NAA15: variants seen among roughly 807,000 people sequenced by gnomAD.
The protein encoded by NAA15 is N-terminal acetyltransferase.
Under a neutral mutation model 114.0 loss-of-function variants are expected in NAA15, and 34 were observed. The observed-to-expected ratio is 0.30, with a 90% CI of 0.23 to 0.40. NAA15 has a LOEUF of 0.40. Among genes scored for constraint, NAA15 ranks in the 10% least tolerant of loss-of-function variants. The pLI is 1.00. For synonymous variants in NAA15, 340 were observed against 338.0 expected, an observed-to-expected ratio of 1.01 and a Z score of -0.06; for missense variants, 658 against 1,004.5, an observed-to-expected ratio of 0.66 and a Z score of 4.66.
chr4:139,321,740 C>T (rs868560818), intron 1 of NAA15, among the ~76,000 whole-genome samples: 2 of 151,460 alleles, frequency 1.3e-5, no homozygotes, highest in Non-Finnish European at 2.9e-5. Context: ...GCCTCAGCCT[C>T]CCAAAGTGCT....
intron 1 of NAA15, among the ~76,000 whole-genome samples, chr4:139,316,648 A>T (rs1392821520): frequency 6.6e-6 from 1 of 151,876 alleles, no homozygotes; most frequent in Non-Finnish European, 1.5e-5. Flanking sequence ...CCTTATAAGT[A>T]ATTTGGTATG....
intron 7 of NAA15, among the ~76,000 whole-genome samples, chr4:139,350,448 C>T (rs141455736): frequency 4.7e-4 from 72 of 152,294 alleles, no homozygotes; most frequent in African/African-American, 1.6e-3. Context: ...AAATTTCTGT[C>T]ACTCAAACTT....
Position 139,360,057 on chromosome 4 carries a change from T to A in NAA15, c.1410+162T>A, listed in dbSNP as rs1002252489. On this transcript the variant is annotated intron_variant, in intron 12 of 19. Transcript: ENST00000296543. ...TATCAGAAGATACTGGAGTCAACATTGATATAAAGGATTTTCCATTTAGAG... is the reference window on the plus strand; with the variant it reads ...TATCAGAAGATACTGGAGTCAACATAGATATAAAGGATTTTCCATTTAGAG... 9.9e-5 allele frequency among the ~76,000 whole-genome samples: 15 copies of A among 152,196 alleles called. No individual in the cohort carries two copies. In the South Asian group the frequency reaches 1.0e-3, roughly 11 times the overall value.
chr4:139,340,889 G>T (rs1257615972), intron 3 of NAA15, 23 bp from the exon 4 acceptor site: 1 of 1,521,540 alleles, frequency 6.6e-7, no homozygotes, highest in Non-Finnish European at 8.8e-7. Flanking sequence ...CTTGTAGGTT[G>T]TACCCTTAAC....
At chr4:139,356,866 G>T (rs1747969033) in intron 10 of NAA15, among the ~76,000 whole-genome samples, 4 of 151,430 alleles carry the variant, frequency 2.6e-5, no homozygotes, top group Non-Finnish European at 1.5e-5. Flanking sequence ...ATGCATCTTT[G>T]CATATTCAGC....
chr4:139,306,775 G>A (rs979317722), intron 1 of NAA15, among the ~76,000 whole-genome samples: 1 of 152,110 alleles, frequency 6.6e-6, no homozygotes, highest in African/African-American at 2.4e-5. Context: ...TAGGTTAAGG[G>A]TAGGAAAAAT....
chr4:139,348,002 G>T (rs944283089), intron 6 of NAA15, among the ~76,000 whole-genome samples: 4 of 146,164 alleles, frequency 2.7e-5, no homozygotes, highest in African/African-American at 1.0e-4. Context: ...ACTGCAGTCC[G>T]CAGTCCGGCC....
chr4:139,337,196 C>G (rs1375699637), intron 3 of NAA15, among the ~76,000 whole-genome samples: 1 of 152,162 alleles, frequency 6.6e-6, no homozygotes, highest in Non-Finnish European at 1.5e-5. Flanking sequence ...GCTTTTCTCA[C>G]TCTTAAAAAG....
At chr4:139,385,284 A>ATATATATATATATATATAATATATAT (rs1560984074) in intron 18 of NAA15, among the ~76,000 whole-genome samples, 1 of 47,310 alleles carries the variant, frequency 2.1e-5, no homozygotes, top group South Asian at 1.1e-3. Flanking sequence ...TATATATATA[A>ATATATATATATATATATAATATATAT]TATATATATA....
chr4:139,385,040 A>C, intron 18 of NAA15, 62 bp downstream of exon 18: 1 of 1,310,208 alleles, frequency 7.6e-7, no homozygotes, highest in South Asian at 1.9e-5. Flanking sequence ...ATGAATCAAC[A>C]ATAATATAAG....
intron 14 of NAA15, among the ~76,000 whole-genome samples, chr4:139,368,732 G>A (rs1048839914): frequency 1.3e-5 from 2 of 152,042 alleles, no homozygotes; most frequent in Admixed American, 6.5e-5. Context: ...GGTGGAGGGG[G>A]GTCCTGCCTT....
At chr4:139,327,560 G>A (rs1394819254) in intron 1 of NAA15, among the ~76,000 whole-genome samples, 1 of 152,120 alleles carries the variant, frequency 6.6e-6, no homozygotes, top group Admixed American at 6.5e-5. Context: ...AGCCTGACCA[G>A]TAAATCTTAT....
rs188830931 is a variant in NAA15, at chr4:139,308,163, G to A, written c.54+6332G>A. 8.5e-4 allele frequency among the ~76,000 whole-genome samples: 129 copies of A among 151,996 alleles called. 1 individual carries two copies. In the East Asian group the frequency reaches 0.016, roughly 19 times the overall value. On this transcript the variant is annotated intron_variant, in intron 1 of 19. Coordinates refer to ENST00000296543, the MANE Select transcript of NAA15 (RefSeq NM_057175.5). Reference sequence around the variant, plus strand: ...TTTTTAGTAGAGACGGGGTTTCACCGTGTTAGCCAGGATGGTCTCGATCTC... The same window carrying A: ...TTTTTAGTAGAGACGGGGTTTCACCATGTTAGCCAGGATGGTCTCGATCTC...
intron 13 of NAA15, 133 bp from the exon 14 acceptor site, chr4:139,361,591 A>G (rs1748132620): frequency 3.4e-6 from 2 of 588,822 alleles, no homozygotes; most frequent in East Asian, 5.8e-5. Context: ...CCTGTTGAAT[A>G]ATTGTAATTG....
At chr4:139,358,717 A>T (rs947973896) in intron 11 of NAA15, among the ~76,000 whole-genome samples, 1 of 152,208 alleles carries the variant, frequency 6.6e-6, no homozygotes, top group Non-Finnish European at 1.5e-5. Context: ...AATGAGGAAC[A>T]TTGGGGAATG....
chr4:139,331,945 T>C (rs1158021851), intron 1 of NAA15, among the ~76,000 whole-genome samples: 1 of 152,140 alleles, frequency 6.6e-6, no homozygotes, highest in African/African-American at 2.4e-5. Context: ...ATTGCTCGTT[T>C]CCTGCAAATG....
At chr4:139,303,150 A>G (rs945347932) in intron 1 of NAA15, among the ~76,000 whole-genome samples, 1 of 152,242 alleles carries the variant, frequency 6.6e-6, no homozygotes, top group Non-Finnish European at 1.5e-5. Flanking sequence ...AAAACATTAG[A>G]AAGTCACATG....
chr4:139,303,401 A>AAC (rs371213333), intron 1 of NAA15, among the ~76,000 whole-genome samples: 3 of 152,362 alleles, frequency 2.0e-5, no homozygotes, highest in African/African-American at 7.2e-5. Flanking sequence ...GAGAACAAGG[A>AAC]ACACTCATAA....
At position 139,313,070 on chromosome 4, in the gene NAA15, TAC is replaced by T. The variant is rs1288807798; in HGVS notation, c.54+11241_54+11242del. Among the ~76,000 whole-genome samples the T allele has an allele frequency of 2.6e-5, 4 of 152,026 alleles. No individual in the cohort carries two copies. In the East Asian group the frequency reaches 7.7e-4, roughly 29 times the overall value. On this transcript the variant is annotated intron_variant, in intron 1 of 19. Coordinates refer to ENST00000296543, the MANE Select transcript of NAA15 (RefSeq NM_057175.5). ...TTTTAAAGATTCCATTTGATTTTAT[TAC>T]AGAGGAGATTATGTAAACATTCCTG...
Sources: gnomAD v4.1 joint callset for allele counts (sites outside exome capture counted in the v4.1 genomes callset) on GRCh38, gnomAD v4.1.1 for gene constraint, MANE v1.5 for transcripts, NCBI Gene and HGNC (gene_info 2026-07-23, HGNC 2026-07-21) for gene names.